Variants in DLG2 observed in about 807,000 individuals in gnomAD.
The protein encoded by DLG2 is discs large MAGUK scaffold protein 2.
DLG2 carries 45 observed loss-of-function variants against 132.5 expected under a neutral mutation model. The ratio of observed to expected loss-of-function variants is 0.34; its 90% CI spans 0.27 to 0.44. The LOEUF is 0.44. DLG2 is among the 20% of genes least tolerant of loss of function. DLG2 has a pLI of 1.00. For missense variants in DLG2, 1,045 were observed against 1,196.9 expected (o/e 0.87, Z 1.87); for synonymous variants, 424 against 419.6 (o/e 1.01, Z -0.13).
intron 6 of DLG2, among the ~76,000 whole-genome samples, chr11:84,599,144 C>A (rs1010564372): frequency 2.0e-5 from 3 of 152,032 alleles, no homozygotes; most frequent in Non-Finnish European, 4.4e-5. Context: ...ACTCAGGAGG[C>A]TGAGGCAGGA....
At chr11:84,839,233 C>A (rs1463942604) in intron 6 of DLG2, among the ~76,000 whole-genome samples, 1 of 152,092 alleles carries the variant, frequency 6.6e-6, no homozygotes. Context: ...TGAGTGAATT[C>A]CCATTCACAA....
intron 6 of DLG2, among the ~76,000 whole-genome samples, chr11:84,885,572 T>C (rs1383172042): frequency 2.0e-5 from 3 of 152,098 alleles, no homozygotes; most frequent in Non-Finnish European, 2.9e-5. Flanking sequence ...TTCTTGGTCC[T>C]GCATATTACT....
intron 5 of DLG2, among the ~76,000 whole-genome samples, chr11:85,136,580 T>C (rs2076158572): frequency 6.6e-6 from 1 of 152,228 alleles, no homozygotes; most frequent in Admixed American, 6.5e-5. Flanking sequence ...CTTTACTTGA[T>C]ATTCCTTGAG....
At chr11:83,616,476 G>C (rs2060825880) in intron 19 of DLG2, among the ~76,000 whole-genome samples, 1 of 150,904 alleles carries the variant, frequency 6.6e-6, no homozygotes, top group African/African-American at 2.5e-5. Flanking sequence ...GCCTGTTCAA[G>C]TCTTTTGTCC....
chr11:85,021,084 T>A lies in DLG2; in HGVS notation c.357+90577A>T, dbSNP rs2060022759. 10 of 775,746 alleles carry A rather than the reference T, an allele frequency of 1.3e-5. No individual in the cohort carries two copies. In the South Asian group the frequency reaches 1.3e-4, roughly 10 times the overall value. The allele number at this position is 775,746 out of a possible 1,614,324, so 48.1% of individuals were successfully genotyped here. On this transcript the variant is annotated intron_variant, in intron 6 of 27. Coordinates refer to ENST00000376104, the MANE Select transcript of DLG2 (RefSeq NM_001142699.3). ...GAGAGAATCCACTTTTTGTTTTATC[T>A]TGGTCAACTCCTTCTTAATTGCCTG... is the stretch of plus-strand genomic sequence containing the variant.
At chr11:84,435,721 T>A (rs532489476) in intron 7 of DLG2, among the ~76,000 whole-genome samples, 1 of 152,322 alleles carries the variant, frequency 6.6e-6, no homozygotes, top group Non-Finnish European at 1.5e-5. Flanking sequence ...TGAAAGCCCC[T>A]TACTAGCTCC....
intron 11 of DLG2, among the ~76,000 whole-genome samples, chr11:83,988,907 G>T (rs1240323345): frequency 6.6e-6 from 1 of 151,790 alleles, no homozygotes; most frequent in African/African-American, 2.4e-5. Context: ...TACATATTTT[G>T]TTTATATGTT....
intron 7 of DLG2, among the ~76,000 whole-genome samples, chr11:84,355,128 G>T (rs2098603483): frequency 6.6e-6 from 1 of 151,996 alleles, no homozygotes; most frequent in Non-Finnish European, 1.5e-5. Context: ...AGCATGAGTA[G>T]GATGTTCTGG....
At chr11:85,279,838 C>T (rs544009580) in intron 4 of DLG2, among the ~76,000 whole-genome samples, 2 of 152,084 alleles carry the variant, frequency 1.3e-5, no homozygotes, top group Non-Finnish European at 2.9e-5. Context: ...CAGGGACTAC[C>T]TTAACTCCCT....
chr11:84,914,883 C>T (rs1476251358), intron 6 of DLG2, among the ~76,000 whole-genome samples: 1 of 152,114 alleles, frequency 6.6e-6, no homozygotes, highest in Non-Finnish European at 1.5e-5. Flanking sequence ...TACACAGTGC[C>T]TGACTCATCA....
intron 8 of DLG2, among the ~76,000 whole-genome samples, chr11:84,200,931 C>A (rs1283012919): frequency 6.6e-6 from 1 of 152,088 alleles, no homozygotes; most frequent in Admixed American, 6.6e-5. Context: ...ACTTGAATAC[C>A]TTTTATTTCT....
chr11:85,251,741 G>A (rs896178779), intron 4 of DLG2, among the ~76,000 whole-genome samples: 4 of 152,130 alleles, frequency 2.6e-5, no homozygotes, highest in Middle Eastern at 3.4e-3. Context: ...CCAGAAAATC[G>A]AGGAAAATAC....
chr11:85,141,647 A>C (rs1404863314), intron 5 of DLG2, among the ~76,000 whole-genome samples: 1 of 151,696 alleles, frequency 6.6e-6, no homozygotes, highest in Non-Finnish European at 1.5e-5. Flanking sequence ...TGTCCTAGAG[A>C]GTTTCTTCAG....
chr11:84,977,590 G>A (rs954753879), intron 6 of DLG2, among the ~76,000 whole-genome samples: 4 of 152,128 alleles, frequency 2.6e-5, no homozygotes, highest in Non-Finnish European at 5.9e-5. Flanking sequence ...TCTAAGTGAT[G>A]AAAAACTAAA....
intron 3 of DLG2, chr11:85,510,151 A>G (rs2094026617): frequency 6.6e-6 from 1 of 152,006 alleles, no homozygotes. Context: ...GTAGAAGAGT[A>G]AAACAAAGAA....
intron 26 of DLG2, among the ~76,000 whole-genome samples, chr11:83,465,529 G>A (rs1416284171): frequency 6.6e-6 from 1 of 152,092 alleles, no homozygotes; most frequent in Non-Finnish European, 1.5e-5. Context: ...TTTGATCAAG[G>A]CCCTCATGAC....
At chr11:85,396,208 C>A (rs2087349163) in intron 3 of DLG2, among the ~76,000 whole-genome samples, 1 of 152,150 alleles carries the variant, frequency 6.6e-6, no homozygotes, top group Non-Finnish European at 1.5e-5. Flanking sequence ...GGAAAACTAA[C>A]AAACAGAAAG....
intron 7 of DLG2, among the ~76,000 whole-genome samples, chr11:84,512,806 C>A (rs1229032247): frequency 2.0e-5 from 3 of 151,940 alleles, no homozygotes; most frequent in Non-Finnish European, 4.4e-5. Flanking sequence ...ACTACACAGC[C>A]ATAAAAAAGA....
At chr11:84,967,234 T>A (rs2053469923) in intron 6 of DLG2, among the ~76,000 whole-genome samples, 1 of 152,068 alleles carries the variant, frequency 6.6e-6, no homozygotes, top group African/African-American at 2.4e-5. Flanking sequence ...GAGGCAACTA[T>A]CGGGAACACA....
Sources: gnomAD v4.1 joint callset for allele counts (sites outside exome capture counted in the v4.1 genomes callset) on GRCh38, gnomAD v4.1.1 for gene constraint, MANE v1.5 for transcripts, NCBI Gene and HGNC (gene_info 2026-07-23, HGNC 2026-07-21) for gene names.